The following SMURF1 variants were observed in gnomAD, a reference collection of about 807,000 sequenced individuals.
SMURF1 encodes the protein E3 ubiquitin-protein ligase SMURF1.
SMURF1 carries 44 observed loss-of-function variants against 98.0 expected under a neutral mutation model. The ratio of observed to expected loss-of-function variants is 0.45; its 90% CI spans 0.35 to 0.58. The LOEUF (loss-of-function observed/expected upper bound fraction) is 0.58, where lower values mean the gene tolerates loss of function less well. Among genes scored for constraint, SMURF1 ranks in the 20% least tolerant of loss-of-function variants. The pLI is 0.00. For missense variants in SMURF1, 687 were observed against 938.4 expected (o/e 0.73, Z 3.50); for synonymous variants, 396 against 374.9 (o/e 1.06, Z -0.65).
At chr7:99,091,799 T>G (rs1049609257) in intron 1 of SMURF1, among the ~76,000 whole-genome samples, 2 of 152,208 alleles carry the variant, frequency 1.3e-5, no homozygotes, top group East Asian at 1.9e-4. Flanking sequence ...CTTCCCCACA[T>G]GGCTTTCCTC....
At chr7:99,127,521 A>ATC (rs1446808453) in intron 1 of SMURF1, among the ~76,000 whole-genome samples, 1 of 152,036 alleles carries the variant, frequency 6.6e-6, no homozygotes. Context: ...GCAAGACCCC[A>ATC]TCTCTAAAAA....
rs1157360492 is a variant in SMURF1, at chr7:99,049,630, T to A, written c.886A>T (p.Ile296Leu). 1 of 1,614,156 alleles carries A rather than the reference T, an allele frequency of 6.2e-7. No homozygotes were observed. Among genetic ancestry groups the A allele is most frequent in the Admixed American group, 1.7e-5 (1 of 60,022 alleles). Residue 296 changes from isoleucine (I) to leucine (L), a missense_variant, in exon 9 of 18, where the codon ATA (isoleucine) becomes TTA (leucine). This residue lies in a region of SMURF1 where 415 missense variants were observed against 508.4 expected (regional missense o/e 0.82). Transcript: ENST00000361368. ...CGGTTATTATGATCTACAAAATATA[T>A]CCTCCCAGAAACTGTACTTCTGACT... is the stretch of plus-strand genomic sequence containing the variant. ...WEVRSTVSGR[I>L]YFVDHNNRTT...
In SMURF1 at chr7:99,029,304, AT is replaced by A. The variant is rs1484130477; in HGVS notation, c.*1279del. ...TGCTGTTTTCTGCCCAAGTTCAGCT[AT>A]TGGAAATCAAGCCACTTTAAGATAA... On this transcript the variant is annotated 3_prime_UTR_variant, in exon 18 of 18. Coordinates refer to ENST00000361368, the MANE Select transcript of SMURF1 (RefSeq NM_181349.3). 6.6e-6 allele frequency: 1 copy of A among 152,638 alleles called. No individual in the cohort carries two copies. Among genetic ancestry groups the A allele is most frequent in the Non-Finnish European group, 1.5e-5 (1 of 68,064 alleles). 9.5% of individuals were successfully genotyped at this position (152,638 alleles called of 1,614,324 possible). A position where few individuals can be genotyped will look rare whatever the true frequency, so the allele number is the denominator to read the frequency against.
intron 1 of SMURF1, among the ~76,000 whole-genome samples, chr7:99,093,511 A>G (rs574254993): frequency 1.2e-5 from 1 of 86,460 alleles, no homozygotes; most frequent in Non-Finnish European, 3.4e-5. Flanking sequence ...CAAAGCAACC[A>G]CTCTATAATG....
intron 3 of SMURF1, among the ~76,000 whole-genome samples, chr7:99,057,754 T>TGCC (rs1475144461): frequency 6.6e-6 from 1 of 151,866 alleles, no homozygotes; most frequent in African/African-American, 2.4e-5. Context: ...TGCATCACCA[T>TGCC]GCCTGGCTAA....
intron 1 of SMURF1, among the ~76,000 whole-genome samples, chr7:99,118,104 C>T (rs771277141): frequency 6.6e-6 from 1 of 152,026 alleles, no homozygotes; most frequent in Non-Finnish European, 1.5e-5. Flanking sequence ...CTTTAGGATG[C>T]CTGTAATAAT....
At position 99,049,693 on chromosome 7, in the gene SMURF1, T is replaced by A; in HGVS notation, c.823A>T (p.Asn275Tyr). The stretch of plus-strand genomic sequence containing the variant: ...GGCAGTGGTCCAAGTTCATCACAGT[T>A]CACACTGTTAAGGTCTCTACCAAAA... ...PRIPRDLNSVNCDELGPLPPG... is the reference protein window; with the variant it reads ...PRIPRDLNSVYCDELGPLPPG... Residue 275 changes from asparagine to tyrosine, a missense_variant, in exon 9 of 18, where the codon AAC becomes TAC. Physicochemically the swap from Asn to Tyr is moderately radical, Grantham distance 143 (BLOSUM62 -2). Transcript: ENST00000361368. 6.2e-7 allele frequency: 1 copy of A among 1,614,122 alleles called. No homozygotes were observed. The highest frequency in any genetic ancestry group is 8.5e-7 in the Non-Finnish European group (1 of 1,180,028).
intron 6 of SMURF1, 29 bp from the exon 7 acceptor site, chr7:99,052,475 G>A: frequency 6.7e-7 from 1 of 1,501,252 alleles, no homozygotes; most frequent in Non-Finnish European, 8.9e-7. Context: ...GGCAGGCATG[G>A]TGTCACCATG....
intron 1 of SMURF1, among the ~76,000 whole-genome samples, chr7:99,071,319 C>A (rs1438240482): frequency 1.3e-5 from 2 of 152,210 alleles, no homozygotes; most frequent in African/African-American, 4.8e-5. Flanking sequence ...CTCGGCCTCA[C>A]AAAGTGCTGG....
rs1319896087 is a variant in SMURF1 at position 99,057,515 on chromosome 7, C to T, written c.240G>A (p.Val80=). 6.3e-7 allele frequency: 1 copy of T among 1,585,852 alleles called. No homozygotes were observed. The highest frequency in any genetic ancestry group is 2.2e-5 in the East Asian group (1 of 44,758). Residue 80 remains valine, a synonymous_variant, in exon 4 of 18, where the codon GTG becomes GTA. Transcript: ENST00000361368. Reference sequence around the variant, plus strand: ...TCTTGTGAATTTTCTTATGGTTCCACACGCTAATGGTTATCGAATCCGTTT... The same window carrying T: ...TCTTGTGAATTTTCTTATGGTTCCATACGCTAATGGTTATCGAATCCGTTT... ...VGKTDSITIS[V]WNHKKIHKKQ...
chr7:99,079,587 A>G (rs1796539656), intron 1 of SMURF1, among the ~76,000 whole-genome samples: 1 of 152,218 alleles, frequency 6.6e-6, no homozygotes, highest in Non-Finnish European at 1.5e-5. Flanking sequence ...ACTACATACT[A>G]AGCTACAAAA....
At chr7:99,128,814 TA>T (rs1159067295) in intron 1 of SMURF1, among the ~76,000 whole-genome samples, 1 of 152,180 alleles carries the variant, frequency 6.6e-6, no homozygotes, top group Non-Finnish European at 1.5e-5. Context: ...ATTCAAGCAA[TA>T]GCAACGATGT....
intron 1 of SMURF1, among the ~76,000 whole-genome samples, chr7:99,072,317 C>T (rs1209722858): frequency 2.0e-5 from 3 of 152,120 alleles, no homozygotes; most frequent in Non-Finnish European, 4.4e-5. Flanking sequence ...GTCAACATTT[C>T]CAACCGAGGC....
chr7:99,036,022 C>G, intron 15 of SMURF1: 1 of 413,810 alleles, frequency 2.4e-6, no homozygotes, highest in Non-Finnish European at 4.5e-6. Context: ...AAAGAACCAA[C>G]CGGTGACACT....
rs1189991192 is a variant in SMURF1 at position 99,028,476 on chromosome 7, C to G, written c.*2108G>C. 2 of 152,198 alleles carry G rather than the reference C, an allele frequency of 1.3e-5. No homozygotes were observed. The highest frequency in any genetic ancestry group is 3.9e-4 in the East Asian group (2 of 5,174). The allele number at this position is 152,198 out of a possible 1,614,324, so 9.4% of individuals were successfully genotyped here. On this transcript the variant is annotated 3_prime_UTR_variant, in exon 18 of 18. Transcript: ENST00000361368. ...TCCACCGGGGTCACCTGTGGAGGAC[C>G]CGGGACCCAGCCCTCTGGCTCTGGG...
At chr7:99,089,418 C>CGCTT (rs1796759822) in intron 1 of SMURF1, among the ~76,000 whole-genome samples, 1 of 151,926 alleles carries the variant, frequency 6.6e-6, no homozygotes, top group African/African-American at 2.4e-5. Flanking sequence ...GCAGGAGGAT[C>CGCTT]GCTTGGGCCC....
chr7:99,048,838 C>T (rs1795665901), intron 9 of SMURF1: 1 of 152,250 alleles, frequency 6.6e-6, no homozygotes, highest in Non-Finnish European at 1.5e-5. Flanking sequence ...TGCCTATAAT[C>T]CCAGCACTTC....
chr7:99,104,810 T>G (rs1797160202), intron 1 of SMURF1, among the ~76,000 whole-genome samples: 5 of 152,188 alleles, frequency 3.3e-5, no homozygotes, highest in Admixed American at 3.3e-4. Flanking sequence ...GGATCCCACA[T>G]TACAGTGGCA....
intron 1 of SMURF1, among the ~76,000 whole-genome samples, chr7:99,065,299 G>T (rs1796161619): frequency 6.6e-6 from 1 of 152,056 alleles, no homozygotes; most frequent in Non-Finnish European, 1.5e-5. Context: ...TGTTGCCCAG[G>T]CGGGTCTGAA....
Sources: allele counts gnomAD v4.1 joint callset (sites outside exome capture counted in the v4.1 genomes callset), GRCh38; gene constraint gnomAD v4.1.1; regional missense constraint gnomAD v4.1.1; transcripts MANE v1.5; gene names NCBI Gene and HGNC (gene_info 2026-07-23, HGNC 2026-07-21).